CPXM2: variants seen among roughly 807,000 people sequenced by gnomAD.
The protein encoded by CPXM2 is carboxypeptidase X, M14 family member 2, also known as inactive carboxypeptidase-like protein X2.
Under a neutral mutation model 86.1 loss-of-function variants are expected in CPXM2, and 66 were observed. That is an observed-to-expected ratio of 0.77 (90% CI 0.63 to 0.94). CPXM2 has a LOEUF of 0.94. CPXM2 is among the 40% of genes least tolerant of loss of function. The probability of loss-of-function intolerance (pLI) is 0.00; values close to 1 mark genes in which losing one functional copy is unlikely to be tolerated. For missense variants in CPXM2, 948 were observed against 1,026.3 expected, an observed-to-expected ratio of 0.92 and a Z score of 1.04; for synonymous variants, 388 against 400.2, an observed-to-expected ratio of 0.97 and a Z score of 0.36.
chr10:123,911,774 A>T (rs1292577638), intron 2 of CPXM2, among the ~76,000 whole-genome samples: 1 of 151,944 alleles, frequency 6.6e-6, no homozygotes, highest in Non-Finnish European at 1.5e-5. Context: ...GGTGCCACCC[A>T]TTGAACACAC....
chr10:123,901,583 G>A (rs1945381921), intron 2 of CPXM2, among the ~76,000 whole-genome samples: 1 of 152,026 alleles, frequency 6.6e-6, no homozygotes. Flanking sequence ...AATATCTGAT[G>A]CTTTGGGTAT....
At chr10:123,796,307 G>A (rs1847334457) in intron 6 of CPXM2, among the ~76,000 whole-genome samples, 1 of 152,200 alleles carries the variant, frequency 6.6e-6, no homozygotes, top group African/African-American at 2.4e-5. Context: ...CAATAAGAAT[G>A]TTCTCTGTGG....
chr10:123,777,726 G>A (rs147880593), intron 7 of CPXM2: 781 of 152,900 alleles, frequency 5.1e-3, no homozygotes, highest in Non-Finnish European at 7.9e-3. Flanking sequence ...AGCCACGCAC[G>A]TTGGATGACA....
intron 2 of CPXM2, among the ~76,000 whole-genome samples, chr10:123,913,084 G>A (rs1465036697): frequency 1.3e-5 from 2 of 152,198 alleles, no homozygotes; most frequent in Non-Finnish European, 2.9e-5. Context: ...GAGGCTGCTG[G>A]GCTCTCTGCC....
intron 6 of CPXM2, among the ~76,000 whole-genome samples, chr10:123,791,217 C>T (rs1847199756): frequency 6.6e-6 from 1 of 152,106 alleles, no homozygotes; most frequent in Non-Finnish European, 1.5e-5. Context: ...GGTTCGAGAC[C>T]AGCCTGACCA....
intron 2 of CPXM2, among the ~76,000 whole-genome samples, chr10:123,920,423 G>A (rs1179255061): frequency 1.3e-5 from 2 of 152,102 alleles, no homozygotes; most frequent in African/African-American, 4.8e-5. Context: ...CAAAGGGCTT[G>A]TTATTACTTT....
rs184491061 is a variant in CPXM2 at position 123,775,304 on chromosome 10, C to T, written c.979-4265G>A. Reference sequence around the variant, plus strand: ...TGCAGTCATTCTCAGCCAACAGCATCGACCTTAGCAAATCCTAACTGGCAG... The same window carrying T: ...TGCAGTCATTCTCAGCCAACAGCATTGACCTTAGCAAATCCTAACTGGCAG... On this transcript the variant is annotated intron_variant, in intron 7 of 13. Coordinates refer to ENST00000241305, the MANE Select transcript of CPXM2 (RefSeq NM_198148.3). 2.6e-4 allele frequency among the ~76,000 whole-genome samples: 39 copies of T among 152,354 alleles called. No homozygotes were observed. In the East Asian group the frequency reaches 6.7e-3, roughly 26 times the overall value.
chr10:123,828,185 AG>A (rs56758051), intron 4 of CPXM2, among the ~76,000 whole-genome samples: 6,651 of 151,908 alleles, frequency 0.044, 484 homozygotes, highest in African/African-American at 0.15. Flanking sequence ...AAAAGAAAAA[AG>A]AAAAAAAGTT....
chr10:123,844,334 G>C (rs1430598758), intron 3 of CPXM2, among the ~76,000 whole-genome samples: 3 of 151,800 alleles, frequency 2.0e-5, no homozygotes, highest in African/African-American at 4.8e-5. Context: ...TTCTTTAAAG[G>C]GTACACTAGT....
chr10:123,852,403 C>A (rs1848621640), intron 3 of CPXM2, among the ~76,000 whole-genome samples: 1 of 152,206 alleles, frequency 6.6e-6, no homozygotes, highest in Admixed American at 6.5e-5. Context: ...TAAATCCAAC[C>A]ACTTCCAACC....
intron 6 of CPXM2, among the ~76,000 whole-genome samples, chr10:123,796,974 G>A (rs1324670317): frequency 6.6e-6 from 1 of 152,266 alleles, no homozygotes; most frequent in Non-Finnish European, 1.5e-5. Flanking sequence ...CTTTGGAGAT[G>A]TGTGGTCAGG....
chr10:123,817,718 T>G (rs1030548996), intron 4 of CPXM2, among the ~76,000 whole-genome samples: 2 of 152,184 alleles, frequency 1.3e-5, no homozygotes, highest in African/African-American at 4.8e-5. Context: ...CCAGACTGCA[T>G]CGATAGCCTC....
Position 123,871,629 on chromosome 10 carries a change from G to T in CPXM2, c.403+8582C>A, listed in dbSNP as rs28413825. Among the ~76,000 whole-genome samples, 226 of 152,212 alleles carry T rather than the reference G, an allele frequency of 1.5e-3. 1 individual carries two copies. The highest frequency in any genetic ancestry group is 2.4e-3 in the Non-Finnish European group (160 of 68,012). On this transcript the variant is annotated intron_variant, in intron 2 of 13. Transcript: ENST00000241305. ...GGTAACTTTATCACTAGAAGATAAC[G>T]TGAAAATATCTTCATGACCTTGGGG...
At chr10:123,766,374 CTT>C (rs1309618756) in intron 10 of CPXM2, among the ~76,000 whole-genome samples, 1 of 152,176 alleles carries the variant, frequency 6.6e-6, no homozygotes, top group African/African-American at 2.4e-5. Flanking sequence ...CTAACACTAA[CTT>C]ATATATCAAC....
chr10:123,772,546 C>G (rs914537383), intron 7 of CPXM2, among the ~76,000 whole-genome samples: 1 of 151,460 alleles, frequency 6.6e-6, no homozygotes, highest in African/African-American at 2.4e-5. Context: ...TCATCACCTC[C>G]CTGGTCATGG....
At chr10:123,868,904 C>G (rs1418798029) in intron 2 of CPXM2, among the ~76,000 whole-genome samples, 1 of 152,094 alleles carries the variant, frequency 6.6e-6, no homozygotes, top group African/African-American at 2.4e-5. Flanking sequence ...GGTTAGAACT[C>G]CATCGACTTT....
chr10:123,813,463 G>T (rs540277666), intron 4 of CPXM2, among the ~76,000 whole-genome samples: 1 of 152,178 alleles, frequency 6.6e-6, no homozygotes, highest in Admixed American at 6.5e-5. Flanking sequence ...GGATTTCAGT[G>T]TTCTCAGATC....
intron 4 of CPXM2, among the ~76,000 whole-genome samples, chr10:123,829,503 T>C (rs1848120897): frequency 1.3e-5 from 2 of 151,964 alleles, no homozygotes; most frequent in African/African-American, 2.4e-5. Context: ...ACACAAACAG[T>C]ACCAGGAGTA....
At chr10:123,835,321 A>G (rs1380143913) in intron 4 of CPXM2, among the ~76,000 whole-genome samples, 3 of 152,070 alleles carry the variant, frequency 2.0e-5, no homozygotes, top group Non-Finnish European at 4.4e-5. Context: ...AAACTCTAAA[A>G]TTGTTTCCAT....
Sources: allele counts gnomAD v4.1 joint callset (sites outside exome capture counted in the v4.1 genomes callset), GRCh38; gene constraint gnomAD v4.1.1; transcripts MANE v1.5; gene names NCBI Gene and HGNC (gene_info 2026-07-23, HGNC 2026-07-21).